Variants in UHMK1 observed in about 807,000 individuals in gnomAD.
UHMK1 encodes U2AF homology motif kinase 1, also known as serine/threonine-protein kinase Kist.
A neutral mutation model predicts 44.0 loss-of-function variants in UHMK1; 18 were observed. The observed-to-expected ratio is 0.41, with a 90% CI of 0.28 to 0.61. The LOEUF (loss-of-function observed/expected upper bound fraction) is 0.61, where lower values mean the gene tolerates loss of function less well. Ranked by LOEUF, UHMK1 falls within the 20% of genes least tolerant of loss-of-function variation. The probability of loss-of-function intolerance (pLI) is 0.31; values close to 1 mark genes in which losing one functional copy is unlikely to be tolerated. For missense variants in UHMK1, 463 were observed against 522.5 expected, an observed-to-expected ratio of 0.89 and a Z score of 1.11; for synonymous variants, 231 against 198.5, an observed-to-expected ratio of 1.16 and a Z score of -1.38.
chr1:162,503,801 G>A lies in UHMK1; in HGVS notation c.801G>A (p.Val267=). The A allele has an allele frequency of 6.2e-7, 1 of 1,614,006 alleles. No homozygotes were observed. The highest frequency in any genetic ancestry group is 8.5e-7 in the Non-Finnish European group (1 of 1,179,994). The change falls in exon 4 of 8, where the codon GTG becomes GTA. Residue 267 remains valine (V), a synonymous_variant. Transcript: ENST00000489294. ...IIDHIFASKA[V]VNAAIPAYHL... ...ATCACATATTTGCCAGTAAAGCAGTGGTGAATGCCGCAATTCCAGCCTATC... is the reference window on the plus strand; with the variant it reads ...ATCACATATTTGCCAGTAAAGCAGTAGTGAATGCCGCAATTCCAGCCTATC...
chr1:162,499,912 AC>A, intron 1 of UHMK1, 42 bp from the exon 2 acceptor site: 2 of 1,592,282 alleles, frequency 1.3e-6, no homozygotes, highest in South Asian at 1.1e-5. Context: ...GTAGTGACTT[AC>A]TCTGAGTCTG....
At chr1:162,512,667 G>A (rs766736941) in intron 5 of UHMK1, 58 bp from the exon 6 acceptor site, 60 of 1,602,960 alleles carry the variant, frequency 3.7e-5, no homozygotes, top group Non-Finnish European at 4.9e-5. Flanking sequence ...TCCTTTATCT[G>A]GTGTTCAACT....
rs1651104609 is a variant in UHMK1 at position 162,497,835 on chromosome 1, C to G, written c.-166C>G. ...CGGCTTCTGGGACTCGGGTGCACCA[C>G]GGCTTCCGGTGTCATGGCTGCTTGA... is the stretch of plus-strand genomic sequence containing the variant. On this transcript the variant is annotated 5_prime_UTR_variant, in exon 1 of 8. Transcript: ENST00000489294. 2 of 1,354,268 alleles carry G rather than the reference C, an allele frequency of 1.5e-6. No homozygotes were observed. The highest frequency in any genetic ancestry group is 9.4e-7 in the Non-Finnish European group (1 of 1,058,298). The allele number at this position is 1,354,268 out of a possible 1,614,324, so 83.9% of individuals were successfully genotyped here. A position where few individuals can be genotyped will look rare whatever the true frequency, so the allele number is the denominator to read the frequency against.
chr1:162,503,904 C>A, intron 4 of UHMK1, 56 bp downstream of exon 4: 3 of 1,358,930 alleles, frequency 2.2e-6, no homozygotes, highest in South Asian at 2.5e-5. Context: ...TGAAATGGTA[C>A]GTCTTTTTTT....
In UHMK1 at chr1:162,518,211, T is replaced by C. The variant is rs187657052; in HGVS notation, c.1113+21T>C. The C allele has an allele frequency of 4.8e-4, 734 of 1,525,640 alleles. 4 individuals are homozygous for C. The African/African-American group carries it at 8.6e-3, about 18-fold the overall frequency. 94.5% of individuals were successfully genotyped at this position (1,525,640 alleles called of 1,614,324 possible). Reference sequence around the variant, plus strand: ...GACAAGTAAGTGAATATTTTCATAATTGCAGATTACTCAGAGGTTATTAAA... The same window carrying C: ...GACAAGTAAGTGAATATTTTCATAACTGCAGATTACTCAGAGGTTATTAAA... On this transcript the variant is annotated intron_variant, in intron 7 of 7. Coordinates refer to ENST00000489294, the MANE Select transcript of UHMK1 (RefSeq NM_175866.5).
intron 1 of UHMK1, among the ~76,000 whole-genome samples, chr1:162,498,612 CTT>C (rs917272966): frequency 6.6e-5 from 10 of 152,258 alleles, no homozygotes; most frequent in African/African-American, 2.2e-4. Flanking sequence ...ATTTTTGAAT[CTT>C]TGCATACCAG....
chr1:162,502,045 A>G lies in UHMK1; in HGVS notation c.753+941A>G, dbSNP rs188364904. On this transcript the variant is annotated intron_variant, in intron 3 of 7. Transcript: ENST00000489294. ...CAAAAAATTAGCTGGGTGTGATGGC[A>G]CACACCTGTAGTCCCAGCTACCCAG... Among the ~76,000 whole-genome samples, 285 of 152,252 alleles carry G rather than the reference A, an allele frequency of 1.9e-3. 4 individuals are homozygous for G. The highest frequency in any genetic ancestry group is 0.016 in the Admixed American group (240 of 15,284).
rs1652215314 is a variant in UHMK1, at chr1:162,525,533, G to A, written c.*2983G>A. ...GATTCTTTTGAAATATATTTGGAGGGGGTAGCTAGCTAGCCACTGTCAAAA... is the reference window on the plus strand; with the variant it reads ...GATTCTTTTGAAATATATTTGGAGGAGGTAGCTAGCTAGCCACTGTCAAAA... On this transcript the variant is annotated 3_prime_UTR_variant, in exon 8 of 8. Coordinates refer to ENST00000489294, the MANE Select transcript of UHMK1 (RefSeq NM_175866.5). 1 of 152,222 alleles carries A rather than the reference G, an allele frequency of 6.6e-6. No homozygotes were observed. The highest frequency in any genetic ancestry group is 6.5e-5 in the Admixed American group (1 of 15,282). The allele number at this position is 152,222 out of a possible 1,614,324, so 9.4% of individuals were successfully genotyped here.
intron 4 of UHMK1, among the ~76,000 whole-genome samples, chr1:162,506,468 G>A (rs1171963105): frequency 6.6e-6 from 1 of 151,942 alleles, no homozygotes; most frequent in Non-Finnish European, 1.5e-5. Flanking sequence ...TAATCTGTAG[G>A]AACATTGTAC....
intron 4 of UHMK1, among the ~76,000 whole-genome samples, chr1:162,505,585 C>A (rs762046534): frequency 5.3e-5 from 8 of 152,266 alleles, no homozygotes; most frequent in Middle Eastern, 3.4e-3. Flanking sequence ...GCTACGATGT[C>A]GCTAGGCGAT....
intron 4 of UHMK1, among the ~76,000 whole-genome samples, chr1:162,510,391 A>G (rs1571011561): frequency 6.6e-6 from 1 of 152,258 alleles, no homozygotes; most frequent in Middle Eastern, 3.4e-3. Context: ...TAACGCCCCC[A>G]CCCAGCCTCT....
chr1:162,527,209 ATG>A lies in UHMK1; in HGVS notation c.*4661_*4662del, dbSNP rs1652280679. Reference sequence around the variant, plus strand: ...GCTTCTCTGCCTAATACTATAGGATATGTCATGTTCGTTATTGTAGCCACCTC... The same window carrying A: ...GCTTCTCTGCCTAATACTATAGGATATCATGTTCGTTATTGTAGCCACCTC... On this transcript the variant is annotated 3_prime_UTR_variant, in exon 8 of 8. Transcript: ENST00000489294. 1 of 152,090 alleles carries A rather than the reference ATG, an allele frequency of 6.6e-6. No individual in the cohort carries two copies. The highest frequency in any genetic ancestry group is 2.4e-5 in the African/African-American group (1 of 41,436). The allele number at this position is 152,090 out of a possible 1,614,324, so 9.4% of individuals were successfully genotyped here.
chr1:162,499,777 T>G (rs910020625), intron 1 of UHMK1, among the ~76,000 whole-genome samples, 178 bp from the exon 2 acceptor site: 9 of 152,196 alleles, frequency 5.9e-5, no homozygotes, highest in African/African-American at 2.2e-4. Flanking sequence ...CATCTTATTT[T>G]TATTAAAATA....
chr1:162,506,718 A>G (rs1253474843), intron 4 of UHMK1, among the ~76,000 whole-genome samples: 1 of 152,134 alleles, frequency 6.6e-6, no homozygotes, highest in Non-Finnish European at 1.5e-5. Flanking sequence ...CAAAAAAAGT[A>G]GCCGGGCCTG....
intron 7 of UHMK1, among the ~76,000 whole-genome samples, chr1:162,521,724 G>A (rs1170773701): frequency 1.3e-5 from 2 of 152,226 alleles, no homozygotes; most frequent in Non-Finnish European, 2.9e-5. Context: ...CGCCTCCCGG[G>A]TTCAAGTGAT....
At chr1:162,506,165 T>G (rs1208782854) in intron 4 of UHMK1, among the ~76,000 whole-genome samples, 1 of 152,116 alleles carries the variant, frequency 6.6e-6, no homozygotes, top group Non-Finnish European at 1.5e-5. Flanking sequence ...GCCTGGAAGT[T>G]AAATTTTCAT....
chr1:162,498,223 A>G lies in UHMK1; in HGVS notation c.223A>G (p.Lys75Glu). The change falls in exon 1 of 8, where the codon AAA becomes GAA. Residue 75 changes from lysine (K) to glutamate (E), a missense_variant. This residue lies in a region of UHMK1 where 191 missense variants were observed against 176.0 expected (regional missense o/e 1.09). Coordinates refer to ENST00000489294, the MANE Select transcript of UHMK1 (RefSeq NM_175866.5). ...CTCTGCCGCCGAGTATGGTTTCCGC[A>G]AAGAGAGGGCGGCGCTGGAACAGTT... ...AASAAEYGFR[K>E]ERAALEQLQG... 2 of 1,609,542 alleles carry G rather than the reference A, an allele frequency of 1.2e-6. No individual in the cohort carries two copies. Among genetic ancestry groups the G allele is most frequent in the Non-Finnish European group, 1.7e-6 (2 of 1,177,622 alleles).
intron 4 of UHMK1, 59 bp downstream of exon 4, chr1:162,503,907 C>CT (rs34841637): frequency 9.5e-5 from 122 of 1,280,174 alleles, no homozygotes; most frequent in Admixed American, 1.5e-4. Context: ...AATGGTACGT[C>CT]TTTTTTTTCT....
intron 2 of UHMK1, 28 bp downstream of exon 2, chr1:162,500,275 G>T: frequency 6.3e-7 from 1 of 1,592,230 alleles, no homozygotes; most frequent in South Asian, 1.1e-5. Flanking sequence ...CTTTTCTCTC[G>T]CAGTTTAAAA....
Sources: allele counts gnomAD v4.1 joint callset (sites outside exome capture counted in the v4.1 genomes callset), GRCh38; gene constraint gnomAD v4.1.1; regional missense constraint gnomAD v4.1.1; transcripts MANE v1.5; gene names NCBI Gene and HGNC (gene_info 2026-07-23, HGNC 2026-07-21).